The following ZC3H13 variants were observed in gnomAD, a reference collection of about 807,000 sequenced individuals.
The protein encoded by ZC3H13 is zinc finger CCCH-type containing 13.
ZC3H13 carries 64 observed loss-of-function variants against 204.1 expected under a neutral mutation model. The ratio of observed to expected loss-of-function variants is 0.31; its 90% CI spans 0.26 to 0.39. The LOEUF is 0.39. Ranked by LOEUF, ZC3H13 falls within the 10% of genes least tolerant of loss-of-function variation. The pLI, the probability that ZC3H13 is intolerant of heterozygous loss-of-function variation, is 1.00. For synonymous variants in ZC3H13, 667 were observed against 693.7 expected, an observed-to-expected ratio of 0.96 and a Z score of 0.60; for missense variants, 1,833 against 2,082.7, an observed-to-expected ratio of 0.88 and a Z score of 2.33.
At chr13:45,977,173 C>G (rs915207280) in intron 11 of ZC3H13, among the ~76,000 whole-genome samples, 2 of 152,078 alleles carry the variant, frequency 1.3e-5, no homozygotes, top group African/African-American at 4.8e-5. Flanking sequence ...TTCACTTTTG[C>G]TGAAACCAAC....
At chr13:46,049,484 CTAA>C (rs1354970000) in intron 1 of ZC3H13, among the ~76,000 whole-genome samples, 4 of 152,252 alleles carry the variant, frequency 2.6e-5, no homozygotes, top group East Asian at 1.9e-4. Flanking sequence ...TTAAATATTA[CTAA>C]TGAGACATTC....
chr13:45,972,884 CAG>C (rs1178344318), intron 12 of ZC3H13, among the ~76,000 whole-genome samples: 1 of 152,222 alleles, frequency 6.6e-6, no homozygotes, highest in Non-Finnish European at 1.5e-5. Flanking sequence ...ACATGCAAAG[CAG>C]AGTTTAGACT....
chr13:45,972,165 G>T (rs890611842), intron 12 of ZC3H13, among the ~76,000 whole-genome samples: 1 of 150,792 alleles, frequency 6.6e-6, no homozygotes, highest in Non-Finnish European at 1.5e-5. Flanking sequence ...CAAAGGAAAA[G>T]AAGTCATTAT....
intron 18 of ZC3H13, among the ~76,000 whole-genome samples, 195 bp from the exon 19 acceptor site, chr13:45,957,492 A>G (rs1169690442): frequency 1.3e-5 from 2 of 152,226 alleles, no homozygotes; most frequent in African/African-American, 4.8e-5. Context: ...AGAAACTTTT[A>G]GAGGGCACCT....
At position 45,967,589 on chromosome 13, in the gene ZC3H13, C is replaced by G. The variant is rs146239696; in HGVS notation, c.4236G>C (p.Leu1412Phe). 1.9e-4 allele frequency: 314 copies of G among 1,613,278 alleles called. 3 individuals carry two copies. In the Middle Eastern group the frequency reaches 4.0e-3, roughly 20 times the overall value. The stretch of plus-strand genomic sequence containing the variant: ...GATCTTTATCCATTCTCTCTTTATC[C>G]AAGGCTAGAGAGTCTCGGGAAGTGC... ...LESTSRDSLALDKERMDKDLG... is the reference protein window; with the variant it reads ...LESTSRDSLAFDKERMDKDLG... The change falls in exon 15 of 19, where the codon TTG becomes TTC. Residue 1412 changes from leucine (L) to phenylalanine (F), a missense_variant. Coordinates refer to ENST00000679008, the MANE Select transcript of ZC3H13 (RefSeq NM_001330564.2).
At chr13:46,051,882 T>C (rs2044453951) in intron 1 of ZC3H13, 1 of 151,940 alleles carries the variant, frequency 6.6e-6, no homozygotes, top group African/African-American at 2.4e-5. Flanking sequence ...CAGACTCTCT[T>C]CTTTCTATTC....
intron 10 of ZC3H13, among the ~76,000 whole-genome samples, chr13:45,984,337 C>T (rs1205812572): frequency 6.6e-6 from 1 of 152,018 alleles, no homozygotes; most frequent in African/African-American, 2.4e-5. Flanking sequence ...ACTATATATC[C>T]TTTTATACAT....
intron 4 of ZC3H13, among the ~76,000 whole-genome samples, chr13:46,030,928 T>G (rs536060061): frequency 4.6e-5 from 7 of 152,308 alleles, no homozygotes; most frequent in African/African-American, 1.7e-4. Context: ...CAAGTTACTT[T>G]GTAGATACTG....
At chr13:46,032,899 T>C (rs2042985613) in intron 4 of ZC3H13, among the ~76,000 whole-genome samples, 1 of 152,010 alleles carries the variant, frequency 6.6e-6, no homozygotes, top group South Asian at 2.1e-4. Flanking sequence ...TGAAGAAAAA[T>C]GTATACAGTA....
At chr13:46,019,463 T>C (rs1263214709) in intron 5 of ZC3H13, among the ~76,000 whole-genome samples, 1 of 152,182 alleles carries the variant, frequency 6.6e-6, no homozygotes, top group Non-Finnish European at 1.5e-5. Context: ...AGATCTTTAG[T>C]TTTGTCATCT....
At chr13:45,957,405 T>A in intron 18 of ZC3H13, 108 bp from the exon 19 acceptor site, 2 of 1,037,896 alleles carry the variant, frequency 1.9e-6, no homozygotes, top group Non-Finnish European at 2.5e-6. Flanking sequence ...GAGTATTTCA[T>A]TTTGGATATT....
intron 8 of ZC3H13, among the ~76,000 whole-genome samples, chr13:45,996,005 A>G (rs370575627): frequency 9.9e-4 from 151 of 152,352 alleles, no homozygotes; most frequent in Non-Finnish European, 1.7e-3. Flanking sequence ...TGATTAAAAC[A>G]TATCACCTGT....
At chr13:46,036,185 G>A (rs1038104852) in intron 4 of ZC3H13, among the ~76,000 whole-genome samples, 2 of 151,898 alleles carry the variant, frequency 1.3e-5, no homozygotes, top group East Asian at 1.9e-4. Flanking sequence ...AGGGGATGTC[G>A]GGGGGCAGTA....
rs376421686 is a variant in ZC3H13 at position 46,011,294 on chromosome 13, G to A, written c.588+121C>T. The A allele has an allele frequency of 7.5e-6, 6 of 797,578 alleles. No individual in the cohort carries two copies. In the East Asian group the frequency reaches 1.1e-4, roughly 15 times the overall value. The allele number at this position is 797,578 out of a possible 1,614,324, so 49.4% of individuals were successfully genotyped here. ...ATATATATGGAGTAGTACATATACA[G>A]TGGGTTGATCAATATATCAGTATAC... On this transcript the variant is annotated intron_variant, in intron 6 of 18. Coordinates refer to ENST00000679008, the MANE Select transcript of ZC3H13 (RefSeq NM_001330564.2).
intron 1 of ZC3H13, among the ~76,000 whole-genome samples, chr13:46,050,272 T>C (rs1327371375): frequency 6.6e-6 from 1 of 152,108 alleles, no homozygotes; most frequent in Admixed American, 6.5e-5. Context: ...ATTATAATTA[T>C]GGCTGAGAAA....
chr13:45,995,018 A>AC lies in ZC3H13; in HGVS notation c.945-5922_945-5921insG, dbSNP rs1288845674. 4.2e-5 allele frequency among the ~76,000 whole-genome samples: 3 copies of AC among 71,618 alleles called. 1 individual carries two copies. Among genetic ancestry groups the AC allele is most frequent in the African/African-American group, 2.2e-4 (3 of 13,462 alleles). The allele number at this position is 71,618 out of a possible 152,430, so 47.0% of individuals were successfully genotyped here. A position where few individuals can be genotyped will look rare whatever the true frequency, so the allele number is the denominator to read the frequency against. On this transcript the variant is annotated intron_variant, in intron 8 of 18. Coordinates refer to ENST00000679008, the MANE Select transcript of ZC3H13 (RefSeq NM_001330564.2). ...CGGTCATTTAACTATCAGTGAAAAA[A>AC]AAAAAAAAAAACGCCACCACCTGGC...
rs558314978 is a variant in ZC3H13, at chr13:45,966,357, C to G, written c.4322-925G>C. On this transcript the variant is annotated intron_variant, in intron 15 of 18. Coordinates refer to ENST00000679008, the MANE Select transcript of ZC3H13 (RefSeq NM_001330564.2). The stretch of plus-strand genomic sequence containing the variant: ...GTTATTAAATTCTATAATAATCTCC[C>G]CATATCCTCACTAAGTCACTTCTAA... Among the ~76,000 whole-genome samples, 4 of 152,190 alleles carry G rather than the reference C, an allele frequency of 2.6e-5. No homozygotes were observed. The East Asian group carries it at 7.7e-4, about 29-fold the overall frequency.
chr13:45,977,162 T>G (rs1018184441), intron 11 of ZC3H13, among the ~76,000 whole-genome samples: 6 of 152,132 alleles, frequency 3.9e-5, no homozygotes, highest in Non-Finnish European at 5.9e-5. Flanking sequence ...TCTTAAACCC[T>G]TTCACTTTTG....
At chr13:46,046,903 G>A (rs560832797) in intron 1 of ZC3H13, among the ~76,000 whole-genome samples, 209 of 151,898 alleles carry the variant, frequency 1.4e-3, no homozygotes, top group Middle Eastern at 3.4e-3. Context: ...CCTCATAAGG[G>A]GAAGGAAAAA....
Sources: gnomAD v4.1 joint callset for allele counts (sites outside exome capture counted in the v4.1 genomes callset) on GRCh38, gnomAD v4.1.1 for gene constraint, MANE v1.5 for transcripts, NCBI Gene and HGNC (gene_info 2026-07-23, HGNC 2026-07-21) for gene names.